The following PZP variants were observed in gnomAD, a reference collection of about 807,000 sequenced individuals.
PZP encodes the protein PZP alpha-2-macroglobulin like, also known as pregnancy zone protein.
PZP carries 150 observed loss-of-function variants against 179.8 expected under a neutral mutation model. The observed-to-expected ratio is 0.83, with a 90% CI of 0.73 to 0.96. PZP has a LOEUF of 0.96. PZP is among the 40% of genes least tolerant of loss of function. PZP has a pLI of 0.00. For synonymous variants in PZP, 624 were observed against 652.3 expected (o/e 0.96, Z 0.66); for missense variants, 1,689 against 1,764.0 (o/e 0.96, Z 0.76).
At chr12:9,203,355 T>TC (rs1278845754) in intron 2 of PZP, among the ~76,000 whole-genome samples, 3 of 110,538 alleles carry the variant, frequency 2.7e-5, no homozygotes, top group Non-Finnish European at 5.9e-5. Flanking sequence ...TTTTTTTTTT[T>TC]TTTTGAGACG....
At chr12:9,196,713 G>A in intron 8 of PZP, 28 bp from the exon 9 acceptor site, 1 of 1,518,094 alleles carries the variant, frequency 6.6e-7, no homozygotes, top group East Asian at 2.3e-5. Context: ...ACCAATAAAT[G>A]TCAAACTGAT....
intron 29 of PZP, among the ~76,000 whole-genome samples, chr12:9,154,134 A>G (rs1404285884): frequency 6.6e-6 from 1 of 152,122 alleles, no homozygotes; most frequent in Non-Finnish European, 1.5e-5. Context: ...ATCTTAGAGG[A>G]TTTCTTGTTA....
intron 25 of PZP, among the ~76,000 whole-genome samples, chr12:9,159,633 A>G (rs181157226): frequency 6.6e-6 from 1 of 151,972 alleles, no homozygotes; most frequent in Admixed American, 6.6e-5. Context: ...ACAAAGTAAA[A>G]CAAAGAAAAG....
At chr12:9,146,651 G>C (rs778144325), downstream of PZP, among the ~76,000 whole-genome samples, 3 of 152,174 alleles carry the variant, frequency 2.0e-5, no homozygotes, top group Non-Finnish European at 2.9e-5. Flanking sequence ...TATAGGAGAA[G>C]GTTCCTATCA....
At chr12:9,176,886 C>T (rs977597653) in intron 15 of PZP, among the ~76,000 whole-genome samples, 4 of 152,108 alleles carry the variant, frequency 2.6e-5, no homozygotes, top group African/African-American at 9.7e-5. Context: ...AGGTATTGTA[C>T]CTGAGGAATC....
chr12:9,194,012 C>T, intron 11 of PZP, 65 bp downstream of exon 11: 1 of 1,436,830 alleles, frequency 7.0e-7, no homozygotes, highest in African/African-American at 1.4e-5. Context: ...CTGTACATTT[C>T]TTCTGAATAT....
chr12:9,203,672 A>G (rs747519139), intron 2 of PZP, 96 bp downstream of exon 2: 4 of 1,414,222 alleles, frequency 2.8e-6, no homozygotes, highest in Non-Finnish European at 3.9e-6. Flanking sequence ...TTAAAGTCAT[A>G]CCTTGGGATC....
chr12:9,158,858 T>C (rs747257336), intron 25 of PZP, among the ~76,000 whole-genome samples: 1 of 151,916 alleles, frequency 6.6e-6, no homozygotes, highest in South Asian at 2.1e-4. Flanking sequence ...TCAGGTTCCT[T>C]CCAGTTTTCT....
rs1480341264 is a variant in PZP at position 9,154,802 on chromosome 12, C to G, written c.3588G>C (p.Lys1196Asn). 6.2e-7 allele frequency: 1 copy of G among 1,614,072 alleles called. No homozygotes were observed. Among genetic ancestry groups the G allele is most frequent in the Admixed American group, 1.7e-5 (1 of 60,018 alleles). Residue 1196 changes from lysine to asparagine, a missense_variant, in exon 29 of 36, where the codon AAG becomes AAC. Transcript: ENST00000261336. Reference sequence around the variant, plus strand: ...TTTGGTAAAGATGCCCCACTGGTGCCTTGGGTCTCTGAGGGCGCTCCCAAT... The same window carrying G: ...TTTGGTAAAGATGCCCCACTGGTGCGTTGGGTCTCTGAGGGCGCTCCCAAT... ...LVHWERPQRPKAPVGHLYQTQ... is the reference protein window; with the variant it reads ...LVHWERPQRPNAPVGHLYQTQ...
intron 13 of PZP, among the ~76,000 whole-genome samples, chr12:9,191,468 T>A (rs1209942391): frequency 1.3e-5 from 2 of 152,096 alleles, no homozygotes; most frequent in Admixed American, 1.3e-4. Flanking sequence ...CAAAATTGTT[T>A]CAATTTTCAA....
At chr12:9,203,630 C>G in intron 2 of PZP, 138 bp downstream of exon 2, 1 of 1,004,886 alleles carries the variant, frequency 1.0e-6, no homozygotes, top group Non-Finnish European at 1.4e-6. Flanking sequence ...CGTGAGCCAC[C>G]GCACCTGGCC....
chr12:9,165,199 A>T lies in PZP; in HGVS notation c.2427T>A (p.Ile809=), dbSNP rs1435058338. 1.9e-6 allele frequency: 3 copies of T among 1,614,182 alleles called. No individual in the cohort carries two copies. Among genetic ancestry groups the T allele is most frequent in the Non-Finnish European group, 2.5e-6 (3 of 1,180,022 alleles). Reference sequence around the variant, plus strand: ...CCTTGAGTGTGAAGACCTCTCCACGAATCACAGAGTAAGGCATTGTGAGCT... The same window carrying T: ...CCTTGAGTGTGAAGACCTCTCCACGTATCACAGAGTAAGGCATTGTGAGCT... ...FVELTMPYSV[I]RGEVFTLKAT... The change falls in exon 19 of 36, where the codon ATT becomes ATA. Residue 809 remains isoleucine, a synonymous_variant. Coordinates refer to ENST00000261336, the MANE Select transcript of PZP (RefSeq NM_002864.3).
the PZP span, among the ~76,000 whole-genome samples, chr12:9,143,325 T>C: frequency 1.1e-3 from 169 of 152,206 alleles, 2 homozygotes; most frequent in Admixed American, 1.5e-3. Context: ...CAGAGGTGGT[T>C]TGACTGGTTG....
At chr12:9,163,339 G>A (rs1941353120) in intron 21 of PZP, among the ~76,000 whole-genome samples, 1 of 150,624 alleles carries the variant, frequency 6.6e-6, no homozygotes, top group Non-Finnish European at 1.5e-5. Flanking sequence ...TGTAGTCCCA[G>A]CTACTCGGGA....
In PZP at chr12:9,153,152, T is replaced by C. The variant is rs749948843; in HGVS notation, c.3966A>G (p.Val1322=). 1.2e-6 allele frequency: 2 copies of C among 1,614,176 alleles called. No homozygotes were observed. The highest frequency in any genetic ancestry group is 1.7e-6 in the Non-Finnish European group (2 of 1,179,996). Residue 1322 remains valine (V), a synonymous_variant, in exon 30 of 36, where the codon GTA becomes GTG. Coordinates refer to ENST00000261336, the MANE Select transcript of PZP (RefSeq NM_002864.3). ...PELPGEYVIT[V]TGERCVYLQT... is the part of the protein sequence containing the mutation. The stretch of plus-strand genomic sequence containing the variant: ...GAAGATACACACATCTTTCCCCAGT[T>C]ACTGTTATGACATATTCTCCAGGGA...
chr12:9,140,982 T>C, the PZP span, among the ~76,000 whole-genome samples: 2,488 of 152,262 alleles, frequency 0.016, 69 homozygotes, highest in African/African-American at 0.057. Flanking sequence ...AATAACTATA[T>C]TGCCATAACT....
intron 15 of PZP, among the ~76,000 whole-genome samples, chr12:9,173,006 A>G (rs1218105907): frequency 2.0e-5 from 3 of 152,198 alleles, no homozygotes; most frequent in Admixed American, 1.3e-4. Context: ...CTCTCCACCA[A>G]AATTCAACAG....
intron 35 of PZP, 113 bp from the exon 36 acceptor site, chr12:9,149,107 G>T: frequency 1.1e-6 from 1 of 914,388 alleles, no homozygotes; most frequent in Non-Finnish European, 1.8e-6. Context: ...TGAAAGGCCA[G>T]ATGGTAATTA....
chr12:9,175,185 A>C (rs751394507), intron 15 of PZP, among the ~76,000 whole-genome samples: 19 of 152,232 alleles, frequency 1.2e-4, no homozygotes, highest in Admixed American at 1.1e-3. Context: ...ATCTTTGACA[A>C]ACTTGACAAA....
Sources: gnomAD v4.1 joint callset for allele counts (sites outside exome capture counted in the v4.1 genomes callset) on GRCh38, gnomAD v4.1.1 for gene constraint, MANE v1.5 for transcripts, NCBI Gene and HGNC (gene_info 2026-07-23, HGNC 2026-07-21) for gene names.